Variants in TIAM2 observed in about 807,000 individuals in gnomAD.
TIAM2 encodes rho guanine nucleotide exchange factor TIAM2.
In TIAM2, 80 loss-of-function variants were observed where a neutral mutation model predicts 152.9. The ratio of observed to expected loss-of-function variants is 0.52; its 90% CI spans 0.44 to 0.63. TIAM2 has a LOEUF of 0.63. Among genes scored for constraint, TIAM2 ranks in the 30% least tolerant of loss-of-function variants. The pLI, the probability that TIAM2 is intolerant of heterozygous loss-of-function variation, is 0.00. For synonymous variants in TIAM2, 804 were observed against 838.0 expected, an observed-to-expected ratio of 0.96 and a Z score of 0.70; for missense variants, 1,965 against 2,120.1, an observed-to-expected ratio of 0.93 and a Z score of 1.44.
At chr6:155,071,188 A>AC (rs11441884) in intron 1 of TIAM2, among the ~76,000 whole-genome samples, 68,190 of 151,904 alleles carry the variant, frequency 0.45, 15,410 homozygotes, top group East Asian at 0.54. Context: ...AAAGAAAAAA[A>AC]GACACATATT....
chr6:155,189,994 A>C lies in TIAM2; in HGVS notation c.3064+6494A>C, dbSNP rs191343924. Among the ~76,000 whole-genome samples the C allele has an allele frequency of 1.4e-3, 207 of 152,326 alleles. 3 individuals are homozygous for C. The highest frequency in any genetic ancestry group is 1.5e-4 in the Non-Finnish European group (10 of 68,026). ...GCTGGAAGACAGAGGCTGCATGTAG[A>C]GGTCACGGGAAGAAAGGTTGGAAAG... On this transcript the variant is annotated intron_variant, in intron 14 of 26. Transcript: ENST00000682666.
chr6:155,026,375 G>T (rs1776602620), intron 1 of TIAM2, among the ~76,000 whole-genome samples: 1 of 152,164 alleles, frequency 6.6e-6, no homozygotes, highest in Admixed American at 6.5e-5. Flanking sequence ...TTTCCATTAA[G>T]AATCATCTTT....
At chr6:155,153,746 C>T (rs1306642149) in intron 7 of TIAM2, among the ~76,000 whole-genome samples, 4 of 151,732 alleles carry the variant, frequency 2.6e-5, no homozygotes, top group Non-Finnish European at 5.9e-5. Context: ...CTCAACCTCC[C>T]GAGTAGCTGG....
Position 155,213,127 on chromosome 6 carries a change from C to T in TIAM2, c.3168+1820C>T, listed in dbSNP as rs573375139. On this transcript the variant is annotated intron_variant, in intron 15 of 26. Coordinates refer to ENST00000682666, the MANE Select transcript of TIAM2 (RefSeq NM_012454.4). The surrounding 1 kb of genome is among the most constrained non-coding windows in gnomAD (Gnocchi z 4.2). ...CACCTGTAATGTGGCGAGCAAGGGGCGTGTTTTGGCCCTGTTTGTGTTGTA... is the reference window on the plus strand; with the variant it reads ...CACCTGTAATGTGGCGAGCAAGGGGTGTGTTTTGGCCCTGTTTGTGTTGTA... 1.3e-5 allele frequency among the ~76,000 whole-genome samples: 2 copies of T among 152,124 alleles called. No individual in the cohort carries two copies. The highest frequency in any genetic ancestry group is 1.5e-5 in the Non-Finnish European group (1 of 68,012).
At chr6:155,027,145 C>A (rs1776620439) in intron 1 of TIAM2, among the ~76,000 whole-genome samples, 1 of 151,696 alleles carries the variant, frequency 6.6e-6, no homozygotes, top group African/African-American at 2.4e-5. Flanking sequence ...AAACGATTCT[C>A]CTGCCTCAGC....
intron 1 of TIAM2, among the ~76,000 whole-genome samples, chr6:155,048,565 CAG>C (rs769427610): frequency 6.6e-6 from 1 of 151,936 alleles, no homozygotes; most frequent in African/African-American, 2.4e-5. Context: ...GAATGGGGGT[CAG>C]GGGTGTCCTG....
chr6:155,245,775 T>C, intron 19 of TIAM2, 44 bp downstream of exon 19: 1 of 1,092,244 alleles, frequency 9.2e-7, no homozygotes, highest in Non-Finnish European at 1.3e-6. Context: ...TTTTTTGCAT[T>C]TTTAACTGTT....
At chr6:155,185,071 G>A (rs1781003195) in intron 14 of TIAM2, among the ~76,000 whole-genome samples, 1 of 150,588 alleles carries the variant, frequency 6.6e-6, no homozygotes, top group Non-Finnish European at 1.5e-5. Flanking sequence ...TAATACTTTT[G>A]GTACTTGCGG....
chr6:155,116,228 T>C (rs1000288962), intron 2 of TIAM2, among the ~76,000 whole-genome samples: 1 of 151,630 alleles, frequency 6.6e-6, no homozygotes, highest in Admixed American at 6.6e-5. Context: ...ATATATGTTG[T>C]TTTTTTTCCT....
intron 18 of TIAM2, among the ~76,000 whole-genome samples, chr6:155,245,113 A>G (rs760698677): frequency 1.3e-5 from 2 of 152,128 alleles, no homozygotes; most frequent in Non-Finnish European, 2.9e-5. Context: ...CCTGTGCCCA[A>G]TCCTTCTTCC....
chr6:155,158,745 C>T (rs879328661), intron 7 of TIAM2, among the ~76,000 whole-genome samples: 8 of 150,020 alleles, frequency 5.3e-5, no homozygotes, highest in East Asian at 2.0e-4. Flanking sequence ...TTTATAGAGA[C>T]GGGGTTTCAC....
Position 155,245,608 on chromosome 6 carries a change from C to A in TIAM2, c.3544-15C>A, listed in dbSNP as rs1783272999. Reference sequence around the variant, plus strand: ...TAAACCATGTCTGATTTGACTTTCCCCTCTGCCCTTCTAGAAATTACTGTT... The same window carrying A: ...TAAACCATGTCTGATTTGACTTTCCACTCTGCCCTTCTAGAAATTACTGTT... On this transcript the variant is annotated splice_polypyrimidine_tract_variant and intron_variant, in intron 18 of 26. Transcript: ENST00000682666. The A allele has an allele frequency of 6.2e-7, 1 of 1,603,802 alleles. No homozygotes were observed. Among genetic ancestry groups the A allele is most frequent in the Admixed American group, 1.7e-5 (1 of 59,812 alleles).
rs754601326 is a variant in TIAM2 at position 155,248,192 on chromosome 6, C to T, written c.3832+13C>T. On this transcript the variant is annotated intron_variant, in intron 20 of 26. Coordinates refer to ENST00000682666, the MANE Select transcript of TIAM2 (RefSeq NM_012454.4). ...TACCACCTGACGGGTGAGGCGGCGG[C>T]GGCACCTCCGGGCGAGGGCCTGCAC... The T allele has an allele frequency of 1.7e-5, 27 of 1,609,864 alleles. No homozygotes were observed. The highest frequency in any genetic ancestry group is 4.5e-5 in the East Asian group (2 of 44,844).
Position 155,174,047 on chromosome 6 carries a change from G to A in TIAM2, c.2362-2769G>A, listed in dbSNP as rs913228866. On this transcript the variant is annotated intron_variant, in intron 9 of 26. Coordinates refer to ENST00000682666, the MANE Select transcript of TIAM2 (RefSeq NM_012454.4). The surrounding 1 kb of genome is among the most constrained non-coding windows in gnomAD (Gnocchi z 4.2). ...AGCCATTCTGTTCAATGGGAACATG[G>A]TGTGTGGCTTAGAATAATGGAAAGT... Among the ~76,000 whole-genome samples the A allele has an allele frequency of 5.3e-5, 8 of 152,224 alleles. No individual in the cohort carries two copies. Among genetic ancestry groups the A allele is most frequent in the Non-Finnish European group, 1.2e-4 (8 of 68,044 alleles).
At chr6:155,177,667 T>A (rs2115131961) in intron 10 of TIAM2, among the ~76,000 whole-genome samples, 1 of 152,342 alleles carries the variant, frequency 6.6e-6, no homozygotes, top group East Asian at 1.9e-4. Context: ...TCATGTGCAC[T>A]TAATAAATGT....
Position 155,137,227 on chromosome 6 carries a change from A to C in TIAM2, c.1245A>C (p.Gly415=), listed in dbSNP as rs778908414. Residue 415 remains glycine (G), a synonymous_variant, in exon 5 of 27, where the codon GGA becomes GGC. Coordinates refer to ENST00000682666, the MANE Select transcript of TIAM2 (RefSeq NM_012454.4). ...ACTACTTTGACAGTCGCTCTGATGG[A>C]CTGAATACAGATGTGCAGGGATCCT... The part of the protein sequence containing the change: ...GSDYFDSRSD[G]LNTDVQGSSQ... 3.1e-6 allele frequency: 5 copies of C among 1,614,182 alleles called. No homozygotes were observed. Among genetic ancestry groups the C allele is most frequent in the East Asian group, 2.2e-5 (1 of 44,878 alleles).
intron 2 of TIAM2, among the ~76,000 whole-genome samples, chr6:155,123,558 A>G (rs756346686): frequency 6.6e-6 from 1 of 152,224 alleles, no homozygotes; most frequent in Non-Finnish European, 1.5e-5. Flanking sequence ...AAATTAAGCT[A>G]TTTAATTGCA....
At chr6:155,034,027 T>C (rs1473891574) in intron 1 of TIAM2, among the ~76,000 whole-genome samples, 1 of 144,748 alleles carries the variant, frequency 6.9e-6, no homozygotes, top group Non-Finnish European at 1.5e-5. Flanking sequence ...TCTCTTGGCT[T>C]TCTTCTCTGT....
chr6:155,062,320 A>C (rs983046776), intron 1 of TIAM2, among the ~76,000 whole-genome samples: 3 of 152,082 alleles, frequency 2.0e-5, no homozygotes, highest in African/African-American at 7.2e-5. Flanking sequence ...TTTTTGCACA[A>C]GTATAATCTT....
Sources: gnomAD v4.1 joint callset for allele counts (sites outside exome capture counted in the v4.1 genomes callset) on GRCh38, gnomAD v4.1.1 for gene constraint, Gnocchi (gnomAD v3.1) non-coding constraint, MANE v1.5 for transcripts, NCBI Gene and HGNC (gene_info 2026-07-23, HGNC 2026-07-21) for gene names.